FSD1L: variants seen among roughly 807,000 people sequenced by gnomAD.
FSD1L encodes the protein fibronectin type III and SPRY domain containing 1 like.
A neutral mutation model predicts 71.6 loss-of-function variants in FSD1L; 45 were observed. The ratio of observed to expected loss-of-function variants is 0.63; its 90% confidence interval spans 0.49 to 0.81. The LOEUF (loss-of-function observed/expected upper bound fraction) is 0.81, where lower values mean the gene tolerates loss of function less well. Ranked by LOEUF, FSD1L falls within the 30% of genes least tolerant of loss-of-function variation. The probability of loss-of-function intolerance (pLI) is 0.00; values close to 1 mark genes in which losing one functional copy is unlikely to be tolerated. For synonymous variants in FSD1L, 197 were observed against 207.2 expected (o/e 0.95, Z 0.42); for missense variants, 561 against 618.1 (o/e 0.91, Z 0.98).
chr9:105,520,244 G>T lies in FSD1L; in HGVS notation c.1025+7308G>T, dbSNP rs183077589. On this transcript the variant is annotated intron_variant, in intron 10 of 13. Transcript: ENST00000481272. ...TGCGCATCGTCATCGAGTTAATGGT[G>T]GAACTGGCTGAAGAAGATGCATTCA... 5.6e-6 allele frequency: 9 copies of T among 1,607,014 alleles called. No individual in the cohort carries two copies. The Admixed American group carries it at 8.4e-5, about 15-fold the overall frequency.
intron 10 of FSD1L, among the ~76,000 whole-genome samples, chr9:105,519,662 G>C (rs906871553): frequency 2.2e-4 from 34 of 152,290 alleles, no homozygotes; most frequent in Admixed American, 2.0e-3. Context: ...AAAATAATAA[G>C]AGCTGTTTAT....
chr9:105,513,079 CTATT>C, intron 10 of FSD1L, 143 bp downstream of exon 10: 1 of 637,272 alleles, frequency 1.6e-6, no homozygotes. Context: ...GAATATAATA[CTATT>C]TGTCAGTAGT....
At chr9:105,467,167 C>T (rs1831138167) in intron 3 of FSD1L, among the ~76,000 whole-genome samples, 1 of 152,094 alleles carries the variant, frequency 6.6e-6, no homozygotes, top group Non-Finnish European at 1.5e-5. Flanking sequence ...TATAGTTGTT[C>T]TTACTACTGT....
intron 4 of FSD1L, among the ~76,000 whole-genome samples, 183 bp downstream of exon 4, chr9:105,468,507 A>ATT (rs368002893): frequency 2.1e-5 from 3 of 141,760 alleles, no homozygotes; most frequent in East Asian, 2.0e-4. Flanking sequence ...TCTCTTAACC[A>ATT]TTTTTTTTTT....
chr9:105,507,795 T>G (rs1165085504), intron 8 of FSD1L, among the ~76,000 whole-genome samples: 1 of 152,150 alleles, frequency 6.6e-6, no homozygotes, highest in East Asian at 1.9e-4. Context: ...TTTTAATCAC[T>G]GGGTTAAAAT....
intron 10 of FSD1L, chr9:105,513,687 TA>T (rs1475067246): frequency 5.1e-6 from 7 of 1,359,366 alleles, no homozygotes; most frequent in Non-Finnish European, 7.0e-6. Flanking sequence ...CTTGGCTGAT[TA>T]AAAAAACTTT....
At chr9:105,540,985 T>C (rs1270141364) in intron 13 of FSD1L, among the ~76,000 whole-genome samples, 1 of 152,184 alleles carries the variant, frequency 6.6e-6, no homozygotes, top group East Asian at 1.9e-4. Flanking sequence ...AGGCTACCTC[T>C]ATAAGTCAAG....
intron 10 of FSD1L, among the ~76,000 whole-genome samples, chr9:105,517,354 A>G (rs2131397953): frequency 6.6e-6 from 1 of 152,246 alleles, no homozygotes; most frequent in East Asian, 1.9e-4. Context: ...AAGAAGAGCA[A>G]CCCCAAGAAA....
intron 10 of FSD1L, chr9:105,530,484 C>T: frequency 1.6e-6 from 1 of 619,906 alleles, no homozygotes; most frequent in Non-Finnish European, 2.9e-6. Context: ...CCATGCTTCC[C>T]TTTATTTCTT....
intron 3 of FSD1L, among the ~76,000 whole-genome samples, chr9:105,466,815 G>A (rs1035092644): frequency 6.6e-6 from 1 of 152,108 alleles, no homozygotes; most frequent in African/African-American, 2.4e-5. Flanking sequence ...GTGGACAAGC[G>A]AATCATCACA....
At chr9:105,452,928 G>C (rs1023445217) in intron 1 of FSD1L, among the ~76,000 whole-genome samples, 1 of 151,728 alleles carries the variant, frequency 6.6e-6, no homozygotes, top group Non-Finnish European at 1.5e-5. Flanking sequence ...GTAGAGACAG[G>C]GTTTTGCCAT....
intron 2 of FSD1L, among the ~76,000 whole-genome samples, chr9:105,462,998 C>T (rs1315313141): frequency 6.6e-6 from 1 of 150,980 alleles, no homozygotes; most frequent in East Asian, 2.0e-4. Context: ...ATTAGCTGGG[C>T]GTGGTGGCGG....
intron 7 of FSD1L, among the ~76,000 whole-genome samples, chr9:105,489,359 T>C (rs1018822719): frequency 3.3e-5 from 5 of 152,152 alleles, no homozygotes; most frequent in Non-Finnish European, 5.9e-5. Context: ...TAGAGTTAAT[T>C]ACTGAAACAG....
chr9:105,475,501 A>G (rs893822349), intron 5 of FSD1L, among the ~76,000 whole-genome samples: 11 of 152,350 alleles, frequency 7.2e-5, no homozygotes, highest in African/African-American at 2.6e-4. Context: ...ACTTTCATCA[A>G]GTAAGCAGAA....
intron 1 of FSD1L, among the ~76,000 whole-genome samples, chr9:105,450,344 T>C (rs1829913406): frequency 6.6e-6 from 1 of 152,206 alleles, no homozygotes. Context: ...AATATATACC[T>C]GAATGTTTGT....
At chr9:105,522,364 G>T (rs1835224925) in intron 10 of FSD1L, 2 of 1,614,088 alleles carry the variant, frequency 1.2e-6, no homozygotes, top group East Asian at 2.2e-5. Context: ...AAAGGAGTTG[G>T]ACATGAATTT....
At chr9:105,543,550 C>A (rs890755800) in intron 13 of FSD1L, among the ~76,000 whole-genome samples, 2 of 151,898 alleles carry the variant, frequency 1.3e-5, no homozygotes, top group Non-Finnish European at 2.9e-5. Flanking sequence ...CGTCATTTAC[C>A]TTAGGTATAT....
intron 1 of FSD1L, among the ~76,000 whole-genome samples, chr9:105,452,656 TGCCTGCCTGCCTG>T (rs1564073179): frequency 1.7e-4 from 22 of 131,888 alleles, no homozygotes; most frequent in East Asian, 4.8e-4. Context: ...CCTGCCTGCC[TGCCTGCCTGCCTG>T]CCTTCCTTCC....
intron 10 of FSD1L, chr9:105,522,024 G>A (rs1392336411): frequency 1.2e-6 from 2 of 1,613,036 alleles, no homozygotes; most frequent in Non-Finnish European, 1.7e-6. Context: ...CAGAGTCACG[G>A]AATCTGTACT....
Sources: gnomAD v4.1 joint callset for allele counts (sites outside exome capture counted in the v4.1 genomes callset) on GRCh38, gnomAD v4.1.1 for gene constraint, MANE v1.5 for transcripts, NCBI Gene and HGNC (gene_info 2026-07-23, HGNC 2026-07-21) for gene names.